ALMS1: variants seen among roughly 807,000 people sequenced by gnomAD.
ALMS1 encodes the protein centrosome-associated protein ALMS1.
Under a neutral mutation model 352.2 loss-of-function variants are expected in ALMS1, and 271 were observed. The observed-to-expected ratio is 0.77, with a 90% CI of 0.70 to 0.85. The LOEUF (loss-of-function observed/expected upper bound fraction) is 0.85, where lower values mean the gene tolerates loss of function less well. Among genes scored for constraint, ALMS1 ranks in the 40% least tolerant of loss-of-function variants. ALMS1 has a pLI of 0.00. For synonymous variants in ALMS1, 1,865 were observed against 1,761.2 expected, an observed-to-expected ratio of 1.06 and a Z score of -1.48; for missense variants, 5,445 against 4,870.7, an observed-to-expected ratio of 1.12 and a Z score of -3.51.
intron 4 of ALMS1, among the ~76,000 whole-genome samples, chr2:73,423,962 G>A (rs1055981797): frequency 2.0e-5 from 3 of 152,042 alleles, no homozygotes; most frequent in African/African-American, 7.2e-5. Context: ...TTTTTCTGTA[G>A]AGATAGGGTC....
At chr2:73,469,141 C>G (rs1006297389) in intron 9 of ALMS1, among the ~76,000 whole-genome samples, 2 of 151,610 alleles carry the variant, frequency 1.3e-5, no homozygotes, top group African/African-American at 4.8e-5. Context: ...AGTTTGAAGT[C>G]AGTACTTTAT....
chr2:73,605,423 G>C (rs769996620), intron 21 of ALMS1, among the ~76,000 whole-genome samples: 6 of 152,184 alleles, frequency 3.9e-5, no homozygotes, highest in African/African-American at 2.4e-5. Context: ...GTTGCTTTTT[G>C]TTACAAAATC....
rs138240384 is a variant in ALMS1 at position 73,402,034 on chromosome 2, A to ATG, written c.325-6573_325-6572dup. Among the ~76,000 whole-genome samples, 269 of 131,714 alleles carry ATG rather than the reference A, an allele frequency of 2.0e-3. 3 individuals carry two copies. The highest frequency in any genetic ancestry group is 2.2e-3 in the South Asian group (10 of 4,502). 86.4% of individuals were successfully genotyped at this position (131,714 alleles called of 152,430 possible). ...CCTCGTGTGTATGTGTGTGTGTGTT[A>ATG]TGTGTGTGTGTGTGTGAGTGTGAGT... On this transcript the variant is annotated intron_variant, in intron 1 of 22. Transcript: ENST00000613296.
At chr2:73,560,324 T>G (rs1674630510) in intron 15 of ALMS1, among the ~76,000 whole-genome samples, 1 of 152,152 alleles carries the variant, frequency 6.6e-6, no homozygotes, top group African/African-American at 2.4e-5. Flanking sequence ...ATAAGAGAGA[T>G]GCAAATCAAA....
intron 11 of ALMS1, among the ~76,000 whole-genome samples, chr2:73,527,345 G>A (rs1264279165): frequency 1.3e-5 from 2 of 151,734 alleles, no homozygotes; most frequent in Admixed American, 6.6e-5. Flanking sequence ...AGTAGGATTA[G>A]TATTAGTTCT....
intron 16 of ALMS1, among the ~76,000 whole-genome samples, chr2:73,586,107 A>G (rs1043825908): frequency 2.0e-4 from 30 of 151,778 alleles, no homozygotes; most frequent in Non-Finnish European, 7.4e-5. Context: ...TCCTTTGCCC[A>G]CTTTTTGTTG....
intron 9 of ALMS1, among the ~76,000 whole-genome samples, chr2:73,485,936 A>G (rs1008708685): frequency 5.3e-5 from 8 of 151,820 alleles, no homozygotes; most frequent in African/African-American, 1.7e-4. Context: ...TTCGTCTCGC[A>G]CACGGTGCGC....
At chr2:73,486,530 G>A (rs1199635222) in intron 9 of ALMS1, among the ~76,000 whole-genome samples, 1 of 152,048 alleles carries the variant, frequency 6.6e-6, no homozygotes, top group Non-Finnish European at 1.5e-5. Flanking sequence ...CTCTTGTTAG[G>A]GTTTTTTGTC....
intron 15 of ALMS1, among the ~76,000 whole-genome samples, chr2:73,561,713 A>C (rs1184330213): frequency 6.8e-6 from 1 of 147,056 alleles, no homozygotes; most frequent in Non-Finnish European, 1.5e-5. Flanking sequence ...TAAGGTGGTT[A>C]ATTTAATGTC....
chr2:73,520,110 C>G, intron 11 of ALMS1, 94 bp downstream of exon 11: 1 of 1,524,584 alleles, frequency 6.6e-7, no homozygotes, highest in South Asian at 1.1e-5. Flanking sequence ...GTCAGAAAAC[C>G]TAATTTTAAT....
intron 1 of ALMS1, among the ~76,000 whole-genome samples, chr2:73,399,249 T>C (rs753173238): frequency 5.3e-5 from 8 of 152,208 alleles, no homozygotes; most frequent in African/African-American, 1.9e-4. Context: ...TCTTGTCTTA[T>C]TGCATTAGCT....
At chr2:73,595,041 C>CTT (rs1267968928) in intron 16 of ALMS1, among the ~76,000 whole-genome samples, 1 of 152,114 alleles carries the variant, frequency 6.6e-6, no homozygotes, top group Non-Finnish European at 1.5e-5. Flanking sequence ...CTCCTTAAAT[C>CTT]TTTTCTGCCA....
chr2:73,538,933 G>A (rs558925869), intron 12 of ALMS1, among the ~76,000 whole-genome samples: 1 of 152,188 alleles, frequency 6.6e-6, no homozygotes, highest in Non-Finnish European at 1.5e-5. Flanking sequence ...ATGCCTGCCT[G>A]CCTCTGTAGA....
chr2:73,609,652 A>T lies in ALMS1; in HGVS notation c.*40A>T. On this transcript the variant is annotated 3_prime_UTR_variant, in exon 23 of 23. Coordinates refer to ENST00000613296, the MANE Select transcript of ALMS1 (RefSeq NM_001378454.1). ...CCTCAGAGCCTTGGAATTCTATTTTATGAACCTAGAGAAGCAGAATCCTTA... is the reference window on the plus strand; with the variant it reads ...CCTCAGAGCCTTGGAATTCTATTTTTTGAACCTAGAGAAGCAGAATCCTTA... The T allele has an allele frequency of 6.3e-7, 1 of 1,589,286 alleles. No homozygotes were observed. Among genetic ancestry groups the T allele is most frequent in the Non-Finnish European group, 8.6e-7 (1 of 1,157,420 alleles).
chr2:73,519,758 T>C lies in ALMS1; in HGVS notation c.9540-17T>C. On this transcript the variant is annotated splice_polypyrimidine_tract_variant and intron_variant, in intron 10 of 22. Transcript: ENST00000613296. Reference sequence around the variant, plus strand: ...CCAAGGATATAATCTGCTGTATTCTTTCTCTTTTTTGGTCAGATTACCAGA... The same window carrying C: ...CCAAGGATATAATCTGCTGTATTCTCTCTCTTTTTTGGTCAGATTACCAGA... 1.2e-6 allele frequency: 2 copies of C among 1,613,910 alleles called. No individual in the cohort carries two copies. The highest frequency in any genetic ancestry group is 1.7e-6 in the Non-Finnish European group (2 of 1,179,890).
intron 12 of ALMS1, among the ~76,000 whole-genome samples, chr2:73,545,023 G>T (rs1674282883): frequency 6.6e-6 from 1 of 152,096 alleles, no homozygotes; most frequent in African/African-American, 2.4e-5. Flanking sequence ...CTAGGGGCTG[G>T]GGCTAGGGGG....
rs751638998 is a variant in ALMS1, at chr2:73,573,054, G to A, written c.11177G>A (p.Gly3726Asp). 5.6e-6 allele frequency: 9 copies of A among 1,614,054 alleles called. No individual in the cohort carries two copies. In the Admixed American group the frequency reaches 1.3e-4, roughly 24 times the overall value. Residue 3726 changes from glycine to aspartate, a missense_variant, in exon 16 of 23, where the codon GGT becomes GAT. Transcript: ENST00000613296. ...FDKYILSKQP[G>D]FNYISNTSSD... Reference sequence around the variant, plus strand: ...AAATATATTCTGAGTAAACAGCCAGGTTTTAATTATATAAGCAACACTTCT... The same window carrying A: ...AAATATATTCTGAGTAAACAGCCAGATTTTAATTATATAAGCAACACTTCT...
At chr2:73,433,636 T>C (rs1388711598) in intron 7 of ALMS1, among the ~76,000 whole-genome samples, 1 of 152,084 alleles carries the variant, frequency 6.6e-6, no homozygotes, top group Non-Finnish European at 1.5e-5. Flanking sequence ...GTCTTATGCT[T>C]GTAATCTCAG....
chr2:73,600,366 CTT>C (rs1675650081), intron 17 of ALMS1, among the ~76,000 whole-genome samples: 1 of 152,206 alleles, frequency 6.6e-6, no homozygotes, highest in South Asian at 2.1e-4. Context: ...CAAAAGGACT[CTT>C]AAGTATTTAT....
Sources: gnomAD v4.1 joint callset for allele counts (sites outside exome capture counted in the v4.1 genomes callset) on GRCh38, gnomAD v4.1.1 for gene constraint, MANE v1.5 for transcripts, NCBI Gene and HGNC (gene_info 2026-07-23, HGNC 2026-07-21) for gene names.